Variants in MROH9 observed in about 807,000 individuals in gnomAD.
MROH9 encodes maestro heat-like repeat-containing protein family member 9.
Under a neutral mutation model 98.2 loss-of-function variants are expected in MROH9, and 92 were observed. The ratio of observed to expected loss-of-function variants is 0.94; its 90% CI spans 0.79 to 1.11. MROH9 has a LOEUF of 1.11. MROH9 is among the 50% of genes most tolerant of loss of function. The pLI, the probability that MROH9 is intolerant of heterozygous loss-of-function variation, is 0.00. For missense variants in MROH9, 1,057 were observed against 1,014.8 expected, an observed-to-expected ratio of 1.04 and a Z score of -0.57; for synonymous variants, 397 against 368.9, an observed-to-expected ratio of 1.08 and a Z score of -0.87.
At chr1:171,036,316 T>C (rs1342990777) in intron 20 of MROH9, among the ~76,000 whole-genome samples, 1 of 152,134 alleles carries the variant, frequency 6.6e-6, no homozygotes, top group Non-Finnish European at 1.5e-5. Flanking sequence ...CCATGTGCTG[T>C]ACTTTTATAT....
chr1:171,012,709 T>A (rs1019447547), intron 15 of MROH9, among the ~76,000 whole-genome samples: 2 of 152,082 alleles, frequency 1.3e-5, no homozygotes, highest in African/African-American at 4.8e-5. Context: ...TTCACCATGT[T>A]ATCCAGGATG....
intron 1 of MROH9, among the ~76,000 whole-genome samples, chr1:170,940,020 GTCT>G (rs1278775256): frequency 1.3e-5 from 2 of 152,292 alleles, no homozygotes; most frequent in Non-Finnish European, 2.9e-5. Flanking sequence ...ACCTGTTTCA[GTCT>G]TCTTCTACTA....
chr1:170,966,660 A>G (rs1650246360), intron 7 of MROH9, among the ~76,000 whole-genome samples: 1 of 152,124 alleles, frequency 6.6e-6, no homozygotes, highest in African/African-American at 2.4e-5. Flanking sequence ...TAGATGGGGG[A>G]CACAGTCCAG....
chr1:171,018,211 CAG>C (rs1224130515), intron 17 of MROH9, among the ~76,000 whole-genome samples: 2 of 152,134 alleles, frequency 1.3e-5, no homozygotes, highest in African/African-American at 4.8e-5. Context: ...TGCTGTTCTC[CAG>C]ATTCCTCGAG....
At chr1:171,001,485 T>C (rs1218979667) in intron 15 of MROH9, among the ~76,000 whole-genome samples, 1 of 152,142 alleles carries the variant, frequency 6.6e-6, no homozygotes, top group Non-Finnish European at 1.5e-5. Flanking sequence ...TAAATTTCCA[T>C]CTTGATTTCG....
chr1:171,003,266 T>C (rs183437310), intron 15 of MROH9, among the ~76,000 whole-genome samples: 145 of 152,314 alleles, frequency 9.5e-4, no homozygotes, highest in African/African-American at 3.2e-3. Context: ...CTTCTTGGTT[T>C]GGAATCATTG....
intron 17 of MROH9, among the ~76,000 whole-genome samples, chr1:171,020,470 A>G (rs897404252): frequency 6.6e-6 from 1 of 152,232 alleles, no homozygotes; most frequent in African/African-American, 2.4e-5. Context: ...TATACAAATC[A>G]ACAAATGTAA....
chr1:170,962,729 TG>T (rs1207227771), intron 6 of MROH9, among the ~76,000 whole-genome samples: 1 of 151,870 alleles, frequency 6.6e-6, no homozygotes, highest in Non-Finnish European at 1.5e-5. Flanking sequence ...TAATTTGAGC[TG>T]TTTTTTTTAA....
intron 20 of MROH9, among the ~76,000 whole-genome samples, chr1:171,057,287 T>C (rs574862049): frequency 6.6e-6 from 1 of 152,208 alleles, no homozygotes; most frequent in South Asian, 2.1e-4. Context: ...CTAATGGAGC[T>C]GAAAAACACA....
At chr1:171,003,803 C>T (rs1042836341) in intron 15 of MROH9, among the ~76,000 whole-genome samples, 2 of 151,958 alleles carry the variant, frequency 1.3e-5, no homozygotes, top group Non-Finnish European at 2.9e-5. Flanking sequence ...CCCTAGAACT[C>T]CCAAGATTAT....
Position 171,016,317 on chromosome 1 carries a change from A to C in MROH9, c.1889A>C (p.Tyr630Ser). The C allele has an allele frequency of 2.0e-6, 3 of 1,527,534 alleles. No individual in the cohort carries two copies. The highest frequency in any genetic ancestry group is 2.6e-6 in the Non-Finnish European group (3 of 1,136,106). The allele number at this position is 1,527,534 out of a possible 1,614,324, so 94.6% of individuals were successfully genotyped here. A position where few individuals can be genotyped will look rare whatever the true frequency, so the allele number is the denominator to read the frequency against. The change falls in exon 17 of 22, where the codon TAC (tyrosine) becomes TCC (serine). Residue 630 changes from tyrosine to serine, a missense_variant. Transcript: ENST00000367759. Reference protein sequence around the residue: ...YSLGTRIGSSYCTLMDHINGG... With the variant: ...YSLGTRIGSSSCTLMDHINGG... ...TTGGGTACCAGAATTGGTTCCAGCT[A>C]CTGTACTCTGATGGATCATGTGAGT...
At chr1:170,959,627 G>C in intron 5 of MROH9, 30 bp downstream of exon 5, 1 of 1,602,702 alleles carries the variant, frequency 6.2e-7, no homozygotes, top group Non-Finnish European at 8.5e-7. Flanking sequence ...AATCATTATA[G>C]GATGTTATTA....
chr1:170,977,353 G>A (rs988134533), intron 8 of MROH9, among the ~76,000 whole-genome samples: 21 of 152,168 alleles, frequency 1.4e-4, no homozygotes, highest in African/African-American at 4.8e-4. Flanking sequence ...TTCGGCATGA[G>A]GGTATCCCTT....
intron 17 of MROH9, among the ~76,000 whole-genome samples, chr1:171,017,930 C>G (rs1206247213): frequency 6.6e-6 from 1 of 152,184 alleles, no homozygotes; most frequent in Admixed American, 6.5e-5. Context: ...GGGGTGGCCA[C>G]AGTCTCTGCA....
intron 20 of MROH9, among the ~76,000 whole-genome samples, chr1:171,049,632 G>A (rs150852174): frequency 2.0e-5 from 3 of 151,620 alleles, no homozygotes; most frequent in African/African-American, 7.3e-5. Flanking sequence ...TTGAAAAAAT[G>A]TCTGTTCATC....
At chr1:170,936,649 TACA>T (rs1648896661) in intron 1 of MROH9, among the ~76,000 whole-genome samples, 2 of 152,246 alleles carry the variant, frequency 1.3e-5, no homozygotes. Context: ...GGCACCCATA[TACA>T]TATCCTTAAG....
chr1:171,025,686 C>T (rs754379737), intron 20 of MROH9, among the ~76,000 whole-genome samples: 2 of 152,118 alleles, frequency 1.3e-5, no homozygotes, highest in Non-Finnish European at 2.9e-5. Flanking sequence ...TACCATTGTT[C>T]ATTTTTCCCC....
chr1:170,950,652 T>C (rs1276798200), intron 3 of MROH9, among the ~76,000 whole-genome samples: 1 of 152,128 alleles, frequency 6.6e-6, no homozygotes, highest in East Asian at 1.9e-4. Flanking sequence ...TTTACGCTTT[T>C]GTACTGTACT....
chr1:171,062,578 C>A (rs1293466125), intron 21 of MROH9, among the ~76,000 whole-genome samples: 2 of 152,130 alleles, frequency 1.3e-5, no homozygotes, highest in African/African-American at 4.8e-5. Context: ...GACAGAGTTG[C>A]AAATAAAGCA....
Sources: gnomAD v4.1 joint callset for allele counts (sites outside exome capture counted in the v4.1 genomes callset) on GRCh38, gnomAD v4.1.1 for gene constraint, MANE v1.5 for transcripts, NCBI Gene and HGNC (gene_info 2026-07-23, HGNC 2026-07-21) for gene names.